Variants in DCC observed in about 807,000 individuals in gnomAD.
The protein encoded by DCC is netrin receptor DCC.
A neutral mutation model predicts 172.5 loss-of-function variants in DCC; 58 were observed. The ratio of observed to expected loss-of-function variants is 0.34; its 90% CI spans 0.27 to 0.42. DCC has a LOEUF of 0.42. DCC is among the 10% of genes least tolerant of loss of function. DCC has a pLI of 1.00. For missense variants in DCC, 1,740 were observed against 1,791.0 expected (o/e 0.97, Z 0.51); for synonymous variants, 709 against 644.5 (o/e 1.10, Z -1.52).
At chr18:53,304,263 C>T (rs1053214100) in intron 12 of DCC, among the ~76,000 whole-genome samples, 10 of 152,110 alleles carry the variant, frequency 6.6e-5, no homozygotes, top group Non-Finnish European at 1.2e-4. Flanking sequence ...AGGGTGGGGC[C>T]TTTTGCCAGA....
rs1162288999 is a variant in DCC, at chr18:53,018,512, A to C, written c.986-44793A>C. ...ACTATACTTTTGATTGGATTGCTTC[A>C]ATTTATTTTTGATACTTCAATTTAA... is the stretch of plus-strand genomic sequence containing the variant. On this transcript the variant is annotated intron_variant, in intron 5 of 28. Transcript: ENST00000442544. 3.9e-5 allele frequency among the ~76,000 whole-genome samples: 6 copies of C among 152,262 alleles called. No homozygotes were observed. The East Asian group carries it at 1.2e-3, about 29-fold the overall frequency.
chr18:53,456,327 GAGA>G (rs540560122), intron 23 of DCC, among the ~76,000 whole-genome samples: 210 of 152,290 alleles, frequency 1.4e-3, no homozygotes, highest in Admixed American at 2.7e-3. Flanking sequence ...GCCATGATCT[GAGA>G]AGGAGAAAAC....
intron 11 of DCC, among the ~76,000 whole-genome samples, chr18:53,213,141 A>C (rs895016298): frequency 6.6e-6 from 1 of 152,216 alleles, no homozygotes; most frequent in African/African-American, 2.4e-5. Context: ...TAAGGGTTGC[A>C]TATCAGCTAG....
intron 1 of DCC, among the ~76,000 whole-genome samples, chr18:52,584,148 G>C (rs909570095): frequency 5.3e-5 from 8 of 152,122 alleles, no homozygotes; most frequent in Non-Finnish European, 1.0e-4. Flanking sequence ...TACTATGAGG[G>C]CTGATTTTTC....
At chr18:52,825,956 G>T (rs7233349) in intron 2 of DCC, among the ~76,000 whole-genome samples, 1 of 151,984 alleles carries the variant, frequency 6.6e-6, no homozygotes, top group African/African-American at 2.4e-5. Context: ...AGATAATATT[G>T]TTACAGGAAA....
chr18:53,489,759 A>G (rs918658878), intron 26 of DCC, among the ~76,000 whole-genome samples: 1 of 152,350 alleles, frequency 6.6e-6, no homozygotes, highest in East Asian at 1.9e-4. Context: ...GATATGGTAC[A>G]TACATTTGCA....
At chr18:53,470,558 G>A (rs535692366) in intron 25 of DCC, among the ~76,000 whole-genome samples, 391 of 152,140 alleles carry the variant, frequency 2.6e-3, no homozygotes, top group Admixed American at 4.6e-3. Flanking sequence ...GTATTAGTCC[G>A]TTTTCACACT....
intron 1 of DCC, among the ~76,000 whole-genome samples, chr18:52,563,865 GAAT>G (rs1396931193): frequency 5.9e-5 from 9 of 152,138 alleles, no homozygotes; most frequent in Admixed American, 1.3e-4. Context: ...CCAAAGCCAG[GAAT>G]GCCCCTTAGT....
At chr18:52,490,925 T>C (rs996313598) in intron 1 of DCC, among the ~76,000 whole-genome samples, 2 of 152,096 alleles carry the variant, frequency 1.3e-5, no homozygotes, top group Non-Finnish European at 2.9e-5. Context: ...TCAGGAGCTG[T>C]ATGCAACAAC....
chr18:52,991,201 G>A (rs1372378922), intron 5 of DCC, among the ~76,000 whole-genome samples: 2 of 152,106 alleles, frequency 1.3e-5, no homozygotes, highest in Non-Finnish European at 2.9e-5. Flanking sequence ...GTGGCATATA[G>A]CAGCACAGTT....
intron 1 of DCC, among the ~76,000 whole-genome samples, chr18:52,482,643 A>G (rs1439935630): frequency 6.6e-6 from 1 of 152,074 alleles, no homozygotes; most frequent in African/African-American, 2.4e-5. Context: ...CACCTTGCAC[A>G]ATTTAGTGAC....
At chr18:52,839,655 C>T (rs2038770676) in intron 2 of DCC, among the ~76,000 whole-genome samples, 1 of 152,014 alleles carries the variant, frequency 6.6e-6, no homozygotes, top group Non-Finnish European at 1.5e-5. Context: ...GTTATGATTG[C>T]TTAGAAATTT....
At chr18:52,589,271 C>G (rs1453257702) in intron 1 of DCC, among the ~76,000 whole-genome samples, 1 of 152,142 alleles carries the variant, frequency 6.6e-6, no homozygotes, top group African/African-American at 2.4e-5. Context: ...ATATAGTCTA[C>G]AGATACTTTT....
intron 26 of DCC, among the ~76,000 whole-genome samples, 196 bp downstream of exon 26, chr18:53,487,154 C>T (rs2045910781): frequency 6.6e-6 from 1 of 152,160 alleles, no homozygotes; most frequent in Non-Finnish European, 1.5e-5. Flanking sequence ...GGCACCTTTC[C>T]ACAGCACACT....
At chr18:53,168,203 C>T (rs1213100000) in intron 8 of DCC, among the ~76,000 whole-genome samples, 2 of 152,156 alleles carry the variant, frequency 1.3e-5, no homozygotes, top group African/African-American at 2.4e-5. Flanking sequence ...ACCCAGCAAT[C>T]CCATTACTGG....
At chr18:53,096,670 T>A (rs1599129916) in intron 7 of DCC, among the ~76,000 whole-genome samples, 1 of 152,102 alleles carries the variant, frequency 6.6e-6, no homozygotes, top group Non-Finnish European at 1.5e-5. Context: ...TCATAGTGAA[T>A]TCTAGATCTT....
chr18:52,541,452 T>C (rs1484366059), intron 1 of DCC, among the ~76,000 whole-genome samples: 1 of 152,180 alleles, frequency 6.6e-6, no homozygotes, highest in Non-Finnish European at 1.5e-5. Flanking sequence ...GGAGATAGCA[T>C]TCATAATTCT....
At chr18:53,100,306 G>T (rs766990200) in intron 7 of DCC, among the ~76,000 whole-genome samples, 3 of 152,042 alleles carry the variant, frequency 2.0e-5, no homozygotes, top group Non-Finnish European at 2.9e-5. Flanking sequence ...AGAGTAAGGG[G>T]AGTTTTTGTG....
At chr18:52,796,253 A>G (rs78829332) in intron 2 of DCC, among the ~76,000 whole-genome samples, 4,710 of 151,994 alleles carry the variant, frequency 0.031, 114 homozygotes, top group Non-Finnish European at 0.047. Flanking sequence ...AAGCTTATTA[A>G]TAAGTGAGGA....
Sources: allele counts gnomAD v4.1 joint callset (sites outside exome capture counted in the v4.1 genomes callset), GRCh38; gene constraint gnomAD v4.1.1; transcripts MANE v1.5; gene names NCBI Gene and HGNC (gene_info 2026-07-23, HGNC 2026-07-21).